Variants in MLLT3 observed in about 807,000 individuals in gnomAD.
MLLT3 encodes protein AF-9.
In MLLT3, 4 loss-of-function variants were observed where a neutral mutation model predicts 53.2. The ratio of observed to expected loss-of-function variants is 0.08; its 90% CI spans 0.04 to 0.17. The LOEUF is 0.17. Among genes scored for constraint, MLLT3 ranks in the 10% least tolerant of loss-of-function variants. MLLT3 has a pLI of 1.00. For synonymous variants in MLLT3, 283 were observed against 230.6 expected (o/e 1.23, Z -2.06); for missense variants, 569 against 684.0 (o/e 0.83, Z 1.87).
intron 4 of MLLT3, among the ~76,000 whole-genome samples, chr9:20,422,949 T>C (rs1470733732): frequency 6.6e-6 from 1 of 152,186 alleles, no homozygotes; most frequent in Non-Finnish European, 1.5e-5. Flanking sequence ...TCTTGTGAAA[T>C]AGCTATTATT....
At chr9:20,611,257 G>C (rs1029662523) in intron 2 of MLLT3, among the ~76,000 whole-genome samples, 1 of 151,958 alleles carries the variant, frequency 6.6e-6, no homozygotes, top group Non-Finnish European at 1.5e-5. Flanking sequence ...GGGGAAATGG[G>C]ACATAAAAAC....
At chr9:20,579,130 C>A (rs916910254) in intron 2 of MLLT3, among the ~76,000 whole-genome samples, 1 of 152,110 alleles carries the variant, frequency 6.6e-6, no homozygotes, top group East Asian at 1.9e-4. Flanking sequence ...TAATCCCAGG[C>A]TGAAGTGCAG....
chr9:20,566,455 G>A (rs946516868), intron 2 of MLLT3, among the ~76,000 whole-genome samples: 3 of 152,082 alleles, frequency 2.0e-5, no homozygotes, highest in Non-Finnish European at 4.4e-5. Context: ...AGTTAAAACA[G>A]AGTCCTCTCC....
intron 2 of MLLT3, among the ~76,000 whole-genome samples, chr9:20,529,701 T>G (rs1169760788): frequency 6.7e-6 from 1 of 149,508 alleles, no homozygotes; most frequent in African/African-American, 2.5e-5. Flanking sequence ...ATTCAGAGAC[T>G]AGAAAAGATG....
At chr9:20,446,710 G>C (rs1823712023) in intron 4 of MLLT3, among the ~76,000 whole-genome samples, 1 of 152,130 alleles carries the variant, frequency 6.6e-6, no homozygotes, top group Non-Finnish European at 1.5e-5. Flanking sequence ...TAATGGCATA[G>C]CCATAGGTAA....
In MLLT3 at chr9:20,346,815, TG is replaced by T. The variant is rs1820882561; in HGVS notation, c.1576-242del. On this transcript the variant is annotated intron_variant, in intron 10 of 10. Transcript: ENST00000380338. ...TTGCTTTTCATACCCTTTAAACTGA[TG>T]TCTGCTTTCAAGTCATGAACAGAAT... Among the ~76,000 whole-genome samples, 3 of 152,166 alleles carry T rather than the reference TG, an allele frequency of 2.0e-5. No homozygotes were observed. The South Asian group carries it at 6.2e-4, about 32-fold the overall frequency.
intron 2 of MLLT3, among the ~76,000 whole-genome samples, chr9:20,584,340 C>T (rs1819890861): frequency 6.6e-6 from 1 of 152,206 alleles, no homozygotes; most frequent in Non-Finnish European, 1.5e-5. Context: ...TTCCTATCTT[C>T]TTCTGAGCTC....
In MLLT3 at chr9:20,403,026, G is replaced by A. The variant is rs550807521; in HGVS notation, c.1125+10695C>T. On this transcript the variant is annotated intron_variant, in intron 5 of 10. Transcript: ENST00000380338. ...AATGTTCTAGAGGAGGAGAGTTTGG[G>A]AAAGTGAGTGAAGGATGTGCGAATC... is the stretch of plus-strand genomic sequence containing the variant. Among the ~76,000 whole-genome samples the A allele has an allele frequency of 3.4e-4, 51 of 152,148 alleles. No homozygotes were observed. The South Asian group carries it at 5.8e-3, about 17-fold the overall frequency.
At position 20,584,763 on chromosome 9, in the gene MLLT3, A is replaced by C. The variant is rs894122305; in HGVS notation, c.193+35891T>G. On this transcript the variant is annotated intron_variant, in intron 2 of 10. Transcript: ENST00000380338. ...ACACGTGGGAACTCTGGGAGATACA[A>C]TTCAAGTTGAGATTTGGGTGGGGGC... Among the ~76,000 whole-genome samples, 6 of 152,300 alleles carry C rather than the reference A, an allele frequency of 3.9e-5. No individual in the cohort carries two copies. In the South Asian group the frequency reaches 1.2e-3, roughly 32 times the overall value.
rs1018196440 is a variant in MLLT3, at chr9:20,546,575, T to C, written c.193+74079A>G. Among the ~76,000 whole-genome samples, 11 of 151,098 alleles carry C rather than the reference T, an allele frequency of 7.3e-5. No homozygotes were observed. In the Middle Eastern group the frequency reaches 0.017, roughly 238 times the overall value. ...AAAAAAAAAAAAATCTACTGTATGG[T>C]AGACGAACCTGTGTATGGTAGACAC... On this transcript the variant is annotated intron_variant, in intron 2 of 10. Transcript: ENST00000380338.
At chr9:20,576,577 T>C (rs1375835492) in intron 2 of MLLT3, among the ~76,000 whole-genome samples, 1 of 152,090 alleles carries the variant, frequency 6.6e-6, no homozygotes. Context: ...AGACAATGAC[T>C]GGAGCAGTGG....
chr9:20,491,385 C>G (rs1001056540), intron 2 of MLLT3, among the ~76,000 whole-genome samples: 2 of 151,944 alleles, frequency 1.3e-5, no homozygotes, highest in Non-Finnish European at 2.9e-5. Context: ...CAGTACCACA[C>G]TATTTAGAGG....
At chr9:20,523,248 G>A (rs1391648144) in intron 2 of MLLT3, among the ~76,000 whole-genome samples, 1 of 152,188 alleles carries the variant, frequency 6.6e-6, no homozygotes, top group African/African-American at 2.4e-5. Context: ...TGGAGCAACA[G>A]GAACTCTCAT....
intron 8 of MLLT3, among the ~76,000 whole-genome samples, chr9:20,356,548 G>A (rs900885265): frequency 1.2e-4 from 18 of 151,872 alleles, no homozygotes; most frequent in African/African-American, 3.1e-4. Flanking sequence ...AATCCGCTGA[G>A]ATTTCAGGCA....
chr9:20,478,207 C>T (rs1357098932), intron 2 of MLLT3, among the ~76,000 whole-genome samples: 1 of 152,112 alleles, frequency 6.6e-6, no homozygotes, highest in East Asian at 1.9e-4. Context: ...TCTTATTCCT[C>T]TACCTCTGCA....
intron 2 of MLLT3, among the ~76,000 whole-genome samples, chr9:20,534,574 A>C (rs184656411): frequency 2.4e-3 from 360 of 152,308 alleles, no homozygotes; most frequent in Non-Finnish European, 3.8e-3. Context: ...AAGCACACTA[A>C]ACACATAAGC....
rs114515850 is a variant in MLLT3, at chr9:20,510,643, T to C, written c.194-53857A>G. ...AAAAAAAAAAAAAAAAGATCCATTTTGCAAAAACTTGGTGATTGTTAATAT... is the reference window on the plus strand; with the variant it reads ...AAAAAAAAAAAAAAAAGATCCATTTCGCAAAAACTTGGTGATTGTTAATAT... On this transcript the variant is annotated intron_variant, in intron 2 of 10. Coordinates refer to ENST00000380338, the MANE Select transcript of MLLT3 (RefSeq NM_004529.4). Among the ~76,000 whole-genome samples the C allele has an allele frequency of 1.3e-3, 204 of 151,536 alleles. 1 individual carries two copies. In the Middle Eastern group the frequency reaches 0.017, roughly 13 times the overall value.
chr9:20,421,727 T>C (rs1468633089), intron 4 of MLLT3, among the ~76,000 whole-genome samples: 2 of 152,110 alleles, frequency 1.3e-5, no homozygotes, highest in Non-Finnish European at 2.9e-5. Context: ...ATTTCTTGAA[T>C]TAAAAACTCA....
chr9:20,495,356 C>A (rs1043666756), intron 2 of MLLT3, among the ~76,000 whole-genome samples: 2 of 152,124 alleles, frequency 1.3e-5, no homozygotes, highest in African/African-American at 4.8e-5. Flanking sequence ...TAACAAGATG[C>A]CCAGGTTATC....
Sources: gnomAD v4.1 joint callset for allele counts (sites outside exome capture counted in the v4.1 genomes callset) on GRCh38, gnomAD v4.1.1 for gene constraint, MANE v1.5 for transcripts, NCBI Gene and HGNC (gene_info 2026-07-23, HGNC 2026-07-21) for gene names.